The following DNAH5 variants were observed in gnomAD, a reference collection of about 807,000 sequenced individuals.
DNAH5 encodes the protein dynein axonemal heavy chain 5, also known as axonemal beta dynein heavy chain 5.
A neutral mutation model predicts 518.2 loss-of-function variants in DNAH5; 372 were observed. That is an observed-to-expected ratio of 0.72 (90% CI 0.66 to 0.78). The LOEUF (loss-of-function observed/expected upper bound fraction) is 0.78, where lower values mean the gene tolerates loss of function less well. Among genes scored for constraint, DNAH5 ranks in the 30% least tolerant of loss-of-function variants. The pLI is 0.00. For synonymous variants in DNAH5, 2,039 were observed against 2,025.9 expected (o/e 1.01, Z -0.17); for missense variants, 5,523 against 5,687.0 (o/e 0.97, Z 0.93).
At chr5:13,918,340 C>G (rs942853419) in intron 7 of DNAH5, among the ~76,000 whole-genome samples, 7 of 152,274 alleles carry the variant, frequency 4.6e-5, no homozygotes, top group African/African-American at 9.6e-5. Context: ...AGATCTTCCC[C>G]GCGTTGAGCC....
Position 13,917,269 on chromosome 5 carries a change from G to C in DNAH5, c.976-13C>G, listed in dbSNP as rs1193238527. 3.1e-6 allele frequency: 5 copies of C among 1,592,990 alleles called. No homozygotes were observed. Among genetic ancestry groups the C allele is most frequent in the Middle Eastern group, 1.7e-4 (1 of 6,012 alleles). ...TCTCCCGCCAAGTCTAAGCACAATA[G>C]GGAAAAGCAATTTTAATGTAATTAT... On this transcript the variant is annotated splice_polypyrimidine_tract_variant and intron_variant, in intron 7 of 78. Transcript: ENST00000265104.
At chr5:13,991,429 C>T (rs1456551819) in intron 1 of DNAH5, among the ~76,000 whole-genome samples, 2 of 151,056 alleles carry the variant, frequency 1.3e-5, no homozygotes, top group Non-Finnish European at 2.9e-5. Context: ...GTCAGACAGA[C>T]CCAGACCCAA....
intron 24 of DNAH5, among the ~76,000 whole-genome samples, chr5:13,869,749 A>G (rs780315733): frequency 5.9e-5 from 9 of 152,138 alleles, no homozygotes; most frequent in Non-Finnish European, 1.3e-4. Context: ...GTTTTATACA[A>G]TCGTTTTGTG....
Position 13,721,139 on chromosome 5 carries a change from C to A in DNAH5, c.12140G>T (p.Cys4047Phe). 1 of 1,614,130 alleles carries A rather than the reference C, an allele frequency of 6.2e-7. No homozygotes were observed. Residue 4047 changes from cysteine to phenylalanine, a missense_variant, in exon 71 of 79, where the codon TGT (cysteine) becomes TTT (phenylalanine). Physicochemically the swap from Cys to Phe is radical, Grantham distance 205. This residue lies in a region of DNAH5 where 5,121 missense variants were observed against 5,223.3 expected (regional missense o/e 0.98). Coordinates refer to ENST00000265104, the MANE Select transcript of DNAH5 (RefSeq NM_001369.3). Reference sequence around the variant, plus strand: ...GGGGTCTGAGCCCATAGACAGGAGACAGATGAGTGGCGTCCGTGGATCAGA... The same window carrying A: ...GGGGTCTGAGCCCATAGACAGGAGAAAGATGAGTGGCGTCCGTGGATCAGA... The part of the protein sequence containing the change: ...EESDPRTPLI[C>F]LLSMGSDPTD...
chr5:13,692,689 T>C (rs1740855782), intron 78 of DNAH5, among the ~76,000 whole-genome samples: 1 of 152,292 alleles, frequency 6.6e-6, no homozygotes, highest in East Asian at 1.9e-4. Context: ...CAGAGAGTAA[T>C]GGCCCAATTC....
chr5:13,862,473 T>C (rs1768589035), intron 29 of DNAH5, 75 bp downstream of exon 29: 2 of 1,415,956 alleles, frequency 1.4e-6, no homozygotes, highest in Non-Finnish European at 2.0e-6. Flanking sequence ...ATTATTGTAA[T>C]GGATTTTTCA....
intron 47 of DNAH5, among the ~76,000 whole-genome samples, chr5:13,802,031 A>T (rs914706920): frequency 1.3e-5 from 2 of 152,168 alleles, no homozygotes; most frequent in Non-Finnish European, 2.9e-5. Context: ...GTGATCTTCT[A>T]AAAATGTCAC....
chr5:13,784,019 C>T (rs1213643520), intron 52 of DNAH5, among the ~76,000 whole-genome samples: 1 of 152,326 alleles, frequency 6.6e-6, no homozygotes, highest in East Asian at 1.9e-4. Context: ...AGCACCGAGG[C>T]ATTCACACCT....
At chr5:14,007,242 C>G (rs1393501495) in intron 1 of DNAH5, among the ~76,000 whole-genome samples, 1 of 152,238 alleles carries the variant, frequency 6.6e-6, no homozygotes, top group East Asian at 1.9e-4. Flanking sequence ...AGATGGACAT[C>G]TCAGGACATC....
At position 13,842,441 on chromosome 5, in the gene DNAH5, A is replaced by AAGAGAGAGAGAGAG. The variant is rs1177610939; in HGVS notation, c.5272-538_5272-537insCTCTCTCTCTCTCT. On this transcript the variant is annotated intron_variant, in intron 32 of 78. Transcript: ENST00000265104. ...AGAAAAGAAAAGAAAGAAAGAAAGA[A>AAGAGAGAGAGAGAG]AGAAAGAAAGAAAGAAAGAAAGAAA... 4.9e-5 allele frequency among the ~76,000 whole-genome samples: 5 copies of AAGAGAGAGAGAGAG among 102,070 alleles called. 1 individual carries two copies. The highest frequency in any genetic ancestry group is 2.2e-4 in the African/African-American group (5 of 23,204). 67.0% of individuals were successfully genotyped at this position (102,070 alleles called of 152,430 possible). A position where few individuals can be genotyped will look rare whatever the true frequency, so the allele number is the denominator to read the frequency against.
chr5:13,870,634 A>G, intron 24 of DNAH5, 133 bp downstream of exon 24: 1 of 874,888 alleles, frequency 1.1e-6, no homozygotes, highest in East Asian at 2.7e-5. Context: ...GTTCGGTATC[A>G]TCAACAATAT....
intron 11 of DNAH5, 53 bp downstream of exon 11, chr5:13,913,690 A>G: frequency 3.8e-6 from 6 of 1,597,078 alleles, no homozygotes; most frequent in Non-Finnish European, 5.1e-6. Context: ...TGCATAAAAT[A>G]TTGAAGTTTA....
Position 13,855,442 on chromosome 5 carries a change from T to A in DNAH5, c.4950+4010A>T, listed in dbSNP as rs1398843182. 1.9e-3 allele frequency among the ~76,000 whole-genome samples: 96 copies of A among 49,686 alleles called. 20 individuals carry two copies. The highest frequency in any genetic ancestry group is 5.9e-3 in the African/African-American group (91 of 15,510). 32.6% of individuals were successfully genotyped at this position (49,686 alleles called of 152,430 possible). On this transcript the variant is annotated intron_variant, in intron 30 of 78. Coordinates refer to ENST00000265104, the MANE Select transcript of DNAH5 (RefSeq NM_001369.3). ...CCGGGATGGTCTCGATCTCCTGACC[T>A]CGTGATCCGCCCGCCTCGGCCTCCC... is the stretch of plus-strand genomic sequence containing the variant.
At chr5:13,730,277 G>C (rs1746303977) in intron 68 of DNAH5, among the ~76,000 whole-genome samples, 1 of 152,108 alleles carries the variant, frequency 6.6e-6, no homozygotes, top group African/African-American at 2.4e-5. Context: ...AAATGTTTTT[G>C]TTGTCCACTT....
At chr5:13,871,220 G>GC (rs1234110699) in intron 23 of DNAH5, among the ~76,000 whole-genome samples, 1 of 151,938 alleles carries the variant, frequency 6.6e-6, no homozygotes, top group African/African-American at 2.4e-5. Flanking sequence ...ATTTCAAAAT[G>GC]TTTTTTTAAA....
intron 46 of DNAH5, 131 bp from the exon 47 acceptor site, chr5:13,807,856 A>C: frequency 1.3e-6 from 1 of 794,468 alleles, no homozygotes; most frequent in Non-Finnish European, 2.0e-6. Flanking sequence ...TTTGGAGATA[A>C]GGTCTTTAAA....
In DNAH5 at chr5:13,753,214, A is replaced by C; in HGVS notation, c.10872+19T>G. On this transcript the variant is annotated intron_variant, in intron 63 of 78. Transcript: ENST00000265104. ...ATAAAACTTAACCGGTAGCATAAAC[A>C]TACTAAAACACAAATTACCTGGAGT... 6.3e-7 allele frequency: 1 copy of C among 1,598,118 alleles called. No individual in the cohort carries two copies.
At chr5:13,954,516 A>C (rs1427947973) in intron 1 of DNAH5, among the ~76,000 whole-genome samples, 3 of 152,250 alleles carry the variant, frequency 2.0e-5, no homozygotes, top group Non-Finnish European at 4.4e-5. Flanking sequence ...ATTAGAAGGA[A>C]AAATGTAAAA....
rs756343680 is a variant in DNAH5 at position 13,793,563 on chromosome 5, T to A, written c.8176A>T (p.Ile2726Leu). Reference sequence around the variant, plus strand: ...TCAGAGGGCAACGTGCAATTAAATATAGAGAACTGCCTCTTGAGTCTTTGG... The same window carrying A: ...TCAGAGGGCAACGTGCAATTAAATAAAGAGAACTGCCTCTTGAGTCTTTGG... ...IPQRLKRQFS[I>L]FNCTLPSEAS... The change falls in exon 49 of 79, where the codon ATA becomes TTA. Residue 2726 changes from isoleucine (I) to leucine (L), a missense_variant. Physicochemically the swap from Ile to Leu is conservative, Grantham distance 5 (BLOSUM62 2). Coordinates refer to ENST00000265104, the MANE Select transcript of DNAH5 (RefSeq NM_001369.3). 6.2e-7 allele frequency: 1 copy of A among 1,614,126 alleles called. No individual in the cohort carries two copies. The highest frequency in any genetic ancestry group is 1.7e-5 in the Admixed American group (1 of 60,012).
Sources: allele counts gnomAD v4.1 joint callset (sites outside exome capture counted in the v4.1 genomes callset), GRCh38; gene constraint gnomAD v4.1.1; regional missense constraint gnomAD v4.1.1; transcripts MANE v1.5; gene names NCBI Gene and HGNC (gene_info 2026-07-23, HGNC 2026-07-21).